Variants in PCED1B observed in about 807,000 individuals in gnomAD.
PCED1B encodes the protein PC-esterase domain-containing protein 1B.
For synonymous variants in PCED1B, 251 were observed against 246.1 expected (o/e 1.02, Z -0.19); for missense variants, 573 against 573.9 (o/e 1.00, Z 0.02).
rs187325054 is a variant in PCED1B, at chr12:47,215,927, G to A, written c.-525-295G>A. On this transcript the variant is annotated intron_variant, in intron 2 of 3. Transcript: ENST00000546455. ...AAATCAGCCGGGTGTGGTGGTGGGTGCATGTAGTCACAGCTACTCGGAGCC... is the reference window on the plus strand; with the variant it reads ...AAATCAGCCGGGTGTGGTGGTGGGTACATGTAGTCACAGCTACTCGGAGCC... 7.9e-5 allele frequency among the ~76,000 whole-genome samples: 12 copies of A among 152,108 alleles called. No individual in the cohort carries two copies. The East Asian group carries it at 2.3e-3, about 30-fold the overall frequency.
At chr12:47,081,664 A>C (rs1937730325) in intron 1 of PCED1B, among the ~76,000 whole-genome samples, 1 of 152,212 alleles carries the variant, frequency 6.6e-6, no homozygotes, top group African/African-American at 2.4e-5. Context: ...CAGGACTTCA[A>C]TTTTATAGAG....
chr12:47,152,850 G>A (rs1239561993), intron 2 of PCED1B, among the ~76,000 whole-genome samples: 2 of 151,710 alleles, frequency 1.3e-5, no homozygotes, highest in African/African-American at 2.4e-5. Flanking sequence ...CAGAAGAATC[G>A]CTTGAACCTG....
chr12:47,181,499 G>T (rs1345741949), intron 2 of PCED1B, among the ~76,000 whole-genome samples: 1 of 151,734 alleles, frequency 6.6e-6, no homozygotes, highest in Non-Finnish European at 1.5e-5. Context: ...GACTAGCTGG[G>T]ATTACAAGTG....
chr12:47,111,007 A>G (rs911315383), intron 2 of PCED1B, among the ~76,000 whole-genome samples: 1 of 152,210 alleles, frequency 6.6e-6, no homozygotes, highest in African/African-American at 2.4e-5. Context: ...TCTCAAAGAG[A>G]AATACATTTC....
chr12:47,215,828 G>A lies in PCED1B; in HGVS notation c.-525-394G>A, dbSNP rs978436545. ...CCAGCACTTTGGGAGGCCAAGGCGG[G>A]TGGATCACCTGAGGTAAGGAGTTCG... On this transcript the variant is annotated intron_variant, in intron 2 of 3. Transcript: ENST00000546455. 9.6e-5 allele frequency among the ~76,000 whole-genome samples: 13 copies of A among 135,462 alleles called. No individual in the cohort carries two copies. In the South Asian group the frequency reaches 1.1e-3, roughly 12 times the overall value. 88.9% of individuals were successfully genotyped at this position (135,462 alleles called of 152,430 possible). A position where few individuals can be genotyped will look rare whatever the true frequency, so the allele number is the denominator to read the frequency against.
intron 2 of PCED1B, chr12:47,135,465 G>A: frequency 2.6e-6 from 1 of 385,982 alleles, no homozygotes; most frequent in South Asian, 2.2e-5. Flanking sequence ...AGAGCTCCTG[G>A]CCCGGATGCT....
chr12:47,117,883 C>T (rs1194740225), intron 2 of PCED1B, among the ~76,000 whole-genome samples: 3 of 152,114 alleles, frequency 2.0e-5, no homozygotes, highest in Admixed American at 6.5e-5. Flanking sequence ...TTTTAATGAT[C>T]ACCATTCTAA....
chr12:47,183,801 CT>C (rs1025616154), intron 2 of PCED1B, among the ~76,000 whole-genome samples: 1 of 152,068 alleles, frequency 6.6e-6, no homozygotes, highest in Non-Finnish European at 1.5e-5. Context: ...CACTCGTAAA[CT>C]TTTTTTTATG....
At chr12:47,141,015 G>A (rs1940570383) in intron 2 of PCED1B, among the ~76,000 whole-genome samples, 1 of 152,136 alleles carries the variant, frequency 6.6e-6, no homozygotes, top group Non-Finnish European at 1.5e-5. Flanking sequence ...TTAAGAGACT[G>A]AATTCACTGG....
At chr12:47,233,969 G>GT (rs201408089) in intron 3 of PCED1B, among the ~76,000 whole-genome samples, 3,628 of 151,934 alleles carry the variant, frequency 0.024, 142 homozygotes, top group African/African-American at 0.082. Flanking sequence ...TGTTTTTAGG[G>GT]GTTTTTTTTG....
rs73108127 is a variant in PCED1B, at chr12:47,160,839, T to C, written c.-525-55383T>C. ...GAGGTGGAGCCTAATGGGAGGTATC[T>C]GGGTCATGAGGACTCTGCCCTTGTG... is the stretch of plus-strand genomic sequence containing the variant. On this transcript the variant is annotated intron_variant, in intron 2 of 3. Transcript: ENST00000546455. Among the ~76,000 whole-genome samples the C allele has an allele frequency of 5.9e-3, 901 of 152,346 alleles. 2 individuals carry two copies. The highest frequency in any genetic ancestry group is 0.011 in the Non-Finnish European group (732 of 68,030).
At chr12:47,115,496 G>A (rs536349181) in intron 2 of PCED1B, among the ~76,000 whole-genome samples, 2 of 152,218 alleles carry the variant, frequency 1.3e-5, no homozygotes, top group Non-Finnish European at 2.9e-5. Flanking sequence ...AATAAAGGAA[G>A]GCAATATGAA....
chr12:47,219,084 C>G (rs151116072), intron 3 of PCED1B, among the ~76,000 whole-genome samples: 1 of 151,912 alleles, frequency 6.6e-6, no homozygotes, highest in East Asian at 1.9e-4. Context: ...GGGGATGTAG[C>G]GAGCCAAGAT....
intron 3 of PCED1B, among the ~76,000 whole-genome samples, chr12:47,229,450 C>A (rs559236339): frequency 6.6e-6 from 1 of 151,624 alleles, no homozygotes; most frequent in South Asian, 2.1e-4. Flanking sequence ...AAAAAACACT[C>A]AAAAGTGTTT....
At chr12:47,176,178 GA>G (rs1941918926) in intron 2 of PCED1B, among the ~76,000 whole-genome samples, 1 of 152,140 alleles carries the variant, frequency 6.6e-6, no homozygotes, top group Non-Finnish European at 1.5e-5. Flanking sequence ...TTATAATAAG[GA>G]ATACATATTT....
intron 2 of PCED1B, among the ~76,000 whole-genome samples, chr12:47,160,845 A>G (rs562159897): frequency 6.6e-6 from 1 of 152,324 alleles, no homozygotes; most frequent in African/African-American, 2.4e-5. Flanking sequence ...TATCTGGGTC[A>G]TGAGGACTCT....
intron 3 of PCED1B, among the ~76,000 whole-genome samples, chr12:47,230,902 T>G (rs1435460006): frequency 6.6e-6 from 1 of 152,224 alleles, no homozygotes; most frequent in Non-Finnish European, 1.5e-5. Context: ...TCCTACTTGT[T>G]AGGCATTATT....
intron 1 of PCED1B, among the ~76,000 whole-genome samples, chr12:47,101,451 G>A (rs1938702197): frequency 6.6e-6 from 1 of 152,134 alleles, no homozygotes; most frequent in Admixed American, 6.5e-5. Context: ...CTCAATGACT[G>A]AGCCTTTTCC....
intron 2 of PCED1B, chr12:47,206,408 A>G (rs1281802746): frequency 6.6e-6 from 1 of 152,240 alleles, no homozygotes; most frequent in Admixed American, 6.5e-5. Context: ...TGGAGGTTAG[A>G]GGCAAGATAG....
Sources: allele counts gnomAD v4.1 joint callset (sites outside exome capture counted in the v4.1 genomes callset), GRCh38; gene constraint gnomAD v4.1.1; transcripts MANE v1.5; gene names NCBI Gene and HGNC (gene_info 2026-07-23, HGNC 2026-07-21).